The following SLC41A2 variants were observed in gnomAD, a reference collection of about 807,000 sequenced individuals.
SLC41A2 encodes the protein SLC41A1-like 1.
In SLC41A2, 32 loss-of-function variants were observed where a neutral mutation model predicts 58.3. The observed-to-expected ratio is 0.55, with a 90% CI of 0.41 to 0.74. The LOEUF (loss-of-function observed/expected upper bound fraction) is 0.74. Ranked by LOEUF, SLC41A2 falls within the 30% of genes least tolerant of loss-of-function variation. SLC41A2 has a pLI of 0.00. For missense variants in SLC41A2, 514 were observed against 680.6 expected, an observed-to-expected ratio of 0.76 and a Z score of 2.72; for synonymous variants, 190 against 235.0, an observed-to-expected ratio of 0.81 and a Z score of 1.75.
At chr12:104,938,220 T>C (rs2047359787) in intron 1 of SLC41A2, among the ~76,000 whole-genome samples, 1 of 152,216 alleles carries the variant, frequency 6.6e-6, no homozygotes, top group African/African-American at 2.4e-5. Flanking sequence ...TTACATTTGG[T>C]GAAGTGATAC....
intron 1 of SLC41A2, among the ~76,000 whole-genome samples, chr12:104,957,041 T>C (rs912734002): frequency 6.6e-6 from 1 of 152,112 alleles, no homozygotes; most frequent in African/African-American, 2.4e-5. Flanking sequence ...CCTAGGTATA[T>C]ACCCAAGAGC....
In SLC41A2 at chr12:104,928,103, T is replaced by C. The variant is rs757729664; in HGVS notation, c.425A>G (p.Asp142Gly). The change falls in exon 2 of 11, where the codon GAT becomes GGT. Residue 142 changes from aspartate (D) to glycine (G), a missense_variant. Asp to Gly is a moderately conservative substitution (Grantham distance 94). This residue lies in a region of SLC41A2 where 336 missense variants were observed against 430.0 expected (regional missense o/e 0.78). Transcript: ENST00000258538. ...DEDISSDGDE[D>G]AIVEVTPKLP... ...TTTTGGGGTCACTTCTACAATAGCA[T>C]CTTCATCACCATCACTAGATATATC... 6.8e-6 allele frequency: 11 copies of C among 1,614,090 alleles called. No individual in the cohort carries two copies. The highest frequency in any genetic ancestry group is 1.1e-5 in the South Asian group (1 of 91,088).
intron 2 of SLC41A2, among the ~76,000 whole-genome samples, chr12:104,919,035 C>T (rs567276520): frequency 1.9e-4 from 29 of 152,294 alleles, no homozygotes; most frequent in African/African-American, 6.0e-4. Flanking sequence ...CACTGGCAAC[C>T]ACTAATCTGT....
chr12:104,865,888 C>A (rs994688918), intron 7 of SLC41A2, among the ~76,000 whole-genome samples: 1 of 152,100 alleles, frequency 6.6e-6, no homozygotes, highest in Non-Finnish European at 1.5e-5. Flanking sequence ...TACCGTATTG[C>A]AAGACCTTTA....
intron 4 of SLC41A2, among the ~76,000 whole-genome samples, chr12:104,894,582 G>A (rs1050516007): frequency 4.6e-5 from 7 of 152,260 alleles, no homozygotes; most frequent in African/African-American, 1.4e-4. Context: ...TACATTACAT[G>A]AAATTCTGTT....
intron 10 of SLC41A2, among the ~76,000 whole-genome samples, chr12:104,828,954 C>A (rs1316292865): frequency 6.6e-6 from 1 of 152,104 alleles, no homozygotes; most frequent in East Asian, 1.9e-4. Context: ...ATGATACTAC[C>A]TTTACAGCCA....
chr12:104,845,789 C>T lies in SLC41A2; in HGVS notation c.1387+54G>A, dbSNP rs138631014. On this transcript the variant is annotated intron_variant, in intron 9 of 10. Coordinates refer to ENST00000258538, the MANE Select transcript of SLC41A2 (RefSeq NM_001352171.3). ...TCAATAAATGTTGCCTGCCTATAAT[C>T]TTAGAGAGCAATAGCCCTTGATCTA... 3.3e-6 allele frequency: 5 copies of T among 1,529,432 alleles called. No homozygotes were observed. In the Admixed American group the frequency reaches 5.8e-5, roughly 18 times the overall value. The allele number at this position is 1,529,432 out of a possible 1,614,324, so 94.7% of individuals were successfully genotyped here.
intron 4 of SLC41A2, among the ~76,000 whole-genome samples, chr12:104,893,407 G>A (rs772097073): frequency 6.6e-6 from 1 of 152,170 alleles, no homozygotes; most frequent in South Asian, 2.1e-4. Flanking sequence ...CTGTTGGTGG[G>A]AATGTAAATT....
chr12:104,954,286 C>T (rs759077616), intron 1 of SLC41A2, among the ~76,000 whole-genome samples: 6 of 152,176 alleles, frequency 3.9e-5, no homozygotes, highest in Non-Finnish European at 8.8e-5. Context: ...ACTGACAGTT[C>T]TAGTCATTTC....
At position 104,845,841 on chromosome 12, in the gene SLC41A2, A is replaced by G; in HGVS notation, c.1387+2T>C. On this transcript the variant is annotated splice_donor_variant, in intron 9 of 10. Transcript: ENST00000258538. LOFTEE classifies it high-confidence loss of function. ...AATATGCAAAAATCCATAAGCACAT[A>G]CCTGGACCAAAGAAAGTTCTAAATG... is the stretch of plus-strand genomic sequence containing the variant. The G allele has an allele frequency of 6.2e-7, 1 of 1,612,304 alleles. No homozygotes were observed. The highest frequency in any genetic ancestry group is 8.5e-7 in the Non-Finnish European group (1 of 1,178,932).
intron 5 of SLC41A2, among the ~76,000 whole-genome samples, chr12:104,888,631 A>T (rs1462502106): frequency 6.6e-6 from 1 of 152,140 alleles, no homozygotes; most frequent in Non-Finnish European, 1.5e-5. Context: ...GAAACAAAAA[A>T]ATTTCAACAG....
intron 1 of SLC41A2, among the ~76,000 whole-genome samples, chr12:104,955,063 T>C (rs1298470802): frequency 6.8e-6 from 1 of 147,276 alleles, no homozygotes; most frequent in Non-Finnish European, 1.5e-5. Flanking sequence ...AGTTTTGCTC[T>C]GTGCAGTGGC....
intron 8 of SLC41A2, among the ~76,000 whole-genome samples, chr12:104,846,969 T>TA (rs2042619467): frequency 6.6e-6 from 1 of 152,082 alleles, no homozygotes; most frequent in Non-Finnish European, 1.5e-5. Flanking sequence ...ATCATTCAAT[T>TA]AAAAAATTAA....
chr12:104,853,911 A>ATTTTTTTTTTT lies in SLC41A2; in HGVS notation c.1255+7369_1255+7379dup, dbSNP rs1555202443. Among the ~76,000 whole-genome samples, 52 of 59,492 alleles carry ATTTTTTTTTTT rather than the reference A, an allele frequency of 8.7e-4. 4 individuals are homozygous for ATTTTTTTTTTT. Among genetic ancestry groups the ATTTTTTTTTTT allele is most frequent in the African/African-American group, 3.5e-3 (50 of 14,470 alleles). 39.0% of individuals were successfully genotyped at this position (59,492 alleles called of 152,430 possible). ...GGGTGCATGTCACCATGCCTGGCTG[A>ATTTTTTTTTTT]TTTTTTTTTTTTTTTTTTTTTTTTT... On this transcript the variant is annotated intron_variant, in intron 8 of 10. Coordinates refer to ENST00000258538, the MANE Select transcript of SLC41A2 (RefSeq NM_001352171.3).
At chr12:104,897,595 T>C (rs1409220767) in intron 3 of SLC41A2, among the ~76,000 whole-genome samples, 1 of 152,084 alleles carries the variant, frequency 6.6e-6, no homozygotes, top group Non-Finnish European at 1.5e-5. Flanking sequence ...TAGTCTAAGA[T>C]AAAACAATAA....
At chr12:104,892,901 C>T (rs1229833034) in intron 4 of SLC41A2, among the ~76,000 whole-genome samples, 1 of 152,098 alleles carries the variant, frequency 6.6e-6, no homozygotes, top group African/African-American at 2.4e-5. Flanking sequence ...AAAACTACTA[C>T]ACAAAAACAT....
intron 6 of SLC41A2, among the ~76,000 whole-genome samples, chr12:104,881,644 T>A (rs2044375876): frequency 6.6e-6 from 1 of 152,236 alleles, no homozygotes; most frequent in Non-Finnish European, 1.5e-5. Flanking sequence ...AGTTTCTTAA[T>A]CCTGAGTTCT....
chr12:104,847,242 G>A (rs1260993182), intron 8 of SLC41A2, among the ~76,000 whole-genome samples: 4 of 147,836 alleles, frequency 2.7e-5, no homozygotes, highest in Non-Finnish European at 6.1e-5. Flanking sequence ...CAATATCAAG[G>A]GGGAAAAAAA....
In SLC41A2 at chr12:104,808,667, G is replaced by A. The variant is rs1429322915; in HGVS notation, c.1537-3330C>T. Among the ~76,000 whole-genome samples, 4 of 152,194 alleles carry A rather than the reference G, an allele frequency of 2.6e-5. 1 individual carries two copies. Among genetic ancestry groups the A allele is most frequent in the Admixed American group, 2.0e-4 (3 of 15,282 alleles). On this transcript the variant is annotated intron_variant, in intron 10 of 10. Transcript: ENST00000258538. ...GTACCAGCTCCTCCTTGTACCTCTGGTGGAATTCGGCTGTGAATCCATCTG... is the reference window on the plus strand; with the variant it reads ...GTACCAGCTCCTCCTTGTACCTCTGATGGAATTCGGCTGTGAATCCATCTG...
Sources: allele counts gnomAD v4.1 joint callset (sites outside exome capture counted in the v4.1 genomes callset), GRCh38; gene constraint gnomAD v4.1.1; regional missense constraint gnomAD v4.1.1; transcripts MANE v1.5; gene names NCBI Gene and HGNC (gene_info 2026-07-23, HGNC 2026-07-21).